Variants in ENAH observed in about 807,000 individuals in gnomAD.
ENAH encodes protein enabled homolog.
In ENAH, 23 loss-of-function variants were observed where a neutral mutation model predicts 78.7. The observed-to-expected ratio is 0.29, with a 90% CI of 0.21 to 0.41. The LOEUF (loss-of-function observed/expected upper bound fraction) is 0.41. Ranked by LOEUF, ENAH falls within the 10% of genes least tolerant of loss-of-function variation. The pLI, the probability that ENAH is intolerant of heterozygous loss-of-function variation, is 1.00. For missense variants in ENAH, 544 were observed against 691.0 expected, an observed-to-expected ratio of 0.79 and a Z score of 2.39; for synonymous variants, 226 against 241.0, an observed-to-expected ratio of 0.94 and a Z score of 0.58.
intron 5 of ENAH, 137 bp from the exon 6 acceptor site, chr1:225,517,443 T>C: frequency 6.4e-6 from 10 of 1,551,622 alleles, no homozygotes; most frequent in Non-Finnish European, 8.7e-6. Context: ...GCGGAGGAGC[T>C]GCTGGCCCTG....
intron 5 of ENAH, chr1:225,517,973 A>T (rs1186489551): frequency 3.2e-6 from 5 of 1,542,972 alleles, no homozygotes; most frequent in Non-Finnish European, 4.4e-6. Flanking sequence ...TTATACAGGG[A>T]GCTGTCTGAA....
At chr1:225,527,200 C>T (rs1489212136) in intron 4 of ENAH, among the ~76,000 whole-genome samples, 1 of 152,120 alleles carries the variant, frequency 6.6e-6, no homozygotes, top group Non-Finnish European at 1.5e-5. Context: ...TTTCACTACA[C>T]GTTCCAGTAA....
chr1:225,622,374 G>C (rs757883398), intron 1 of ENAH, among the ~76,000 whole-genome samples: 1 of 152,146 alleles, frequency 6.6e-6, no homozygotes, highest in Non-Finnish European at 1.5e-5. Flanking sequence ...GATCCTTTGA[G>C]CGCAGGAGTT....
At chr1:225,647,203 G>A (rs1349752029) in intron 1 of ENAH, among the ~76,000 whole-genome samples, 4 of 152,052 alleles carry the variant, frequency 2.6e-5, no homozygotes, top group African/African-American at 7.3e-5. Flanking sequence ...TCCAGCCTGG[G>A]CAAGAGTGAG....
At chr1:225,550,718 G>T (rs1042769213) in intron 3 of ENAH, among the ~76,000 whole-genome samples, 8 of 152,106 alleles carry the variant, frequency 5.3e-5, no homozygotes, top group Non-Finnish European at 2.9e-5. Flanking sequence ...TATGACTTTT[G>T]ACCATGTTCT....
chr1:225,524,002 CTAGGCATATA>C (rs1250257009), intron 4 of ENAH, among the ~76,000 whole-genome samples: 1 of 152,126 alleles, frequency 6.6e-6, no homozygotes, highest in African/African-American at 2.4e-5. Context: ...TTCTTTTAAG[CTAGGCATATA>C]TATTCTACAA....
Position 225,565,741 on chromosome 1 carries a change from C to T in ENAH, c.171+1508G>A, listed in dbSNP as rs12069030. Among the ~76,000 whole-genome samples the T allele has an allele frequency of 7.4e-4, 113 of 152,158 alleles. 2 individuals are homozygous for T. In the East Asian group the frequency reaches 0.016, roughly 22 times the overall value. Reference sequence around the variant, plus strand: ...AAAGATGAGACAGTGCTCCCCAGAACCTGGACTACAAATGGGACAAAGGGG... The same window carrying T: ...AAAGATGAGACAGTGCTCCCCAGAATCTGGACTACAAATGGGACAAAGGGG... On this transcript the variant is annotated intron_variant, in intron 2 of 13. Coordinates refer to ENST00000366843, the MANE Select transcript of ENAH (RefSeq NM_018212.6).
intron 1 of ENAH, among the ~76,000 whole-genome samples, chr1:225,589,022 A>C (rs758526967): frequency 2.0e-5 from 3 of 152,192 alleles, no homozygotes; most frequent in Non-Finnish European, 4.4e-5. Context: ...TGACATGATA[A>C]ATTGCAAAAA....
Position 225,514,878 on chromosome 1 carries a change from T to C in ENAH, c.936A>G (p.Ala312=), listed in dbSNP as rs911580899. ...SQQGIVLGPL[A]PPPPPPLPPG... ...GTGGGAGTGGTGGAGGAGGTGGAGG[T>C]GCAAGTGGTCCCAAGACAATGCCTG... Residue 312 remains alanine, a synonymous_variant, in exon 7 of 14, where the codon GCA becomes GCG. Transcript: ENST00000366843. The C allele has an allele frequency of 1.9e-6, 3 of 1,609,492 alleles. No homozygotes were observed. The highest frequency in any genetic ancestry group is 2.5e-6 in the Non-Finnish European group (3 of 1,178,862).
At chr1:225,555,318 C>A (rs892267239) in intron 2 of ENAH, among the ~76,000 whole-genome samples, 22 of 152,170 alleles carry the variant, frequency 1.4e-4, no homozygotes, top group African/African-American at 5.3e-4. Context: ...CGGTGGCTCA[C>A]GCCTGTAATC....
chr1:225,603,490 C>A (rs2148031110), intron 1 of ENAH, among the ~76,000 whole-genome samples: 1 of 152,180 alleles, frequency 6.6e-6, no homozygotes, highest in African/African-American at 2.4e-5. Flanking sequence ...AGTGTACCTG[C>A]AAATATAACC....
At chr1:225,604,390 G>T (rs1164709620) in intron 1 of ENAH, among the ~76,000 whole-genome samples, 1 of 151,858 alleles carries the variant, frequency 6.6e-6, no homozygotes. Context: ...TATAAATGGG[G>T]GTAAATAAAT....
intron 1 of ENAH, among the ~76,000 whole-genome samples, chr1:225,574,096 A>G (rs2096776309): frequency 6.6e-6 from 1 of 152,190 alleles, no homozygotes; most frequent in Non-Finnish European, 1.5e-5. Context: ...AAATAACACT[A>G]AAAACTTTGG....
In ENAH at chr1:225,494,976, G is replaced by A. The variant is rs2096242550; in HGVS notation, c.*2799C>T. ...GCATGAGAATTCAACATTCATTAGT[G>A]TTTCATCTTCAGTTTTGATTGACAC... is the stretch of plus-strand genomic sequence containing the variant. On this transcript the variant is annotated 3_prime_UTR_variant, in exon 14 of 14. Coordinates refer to ENST00000366843, the MANE Select transcript of ENAH (RefSeq NM_018212.6). 6.6e-6 allele frequency: 1 copy of A among 152,576 alleles called. No homozygotes were observed. The highest frequency in any genetic ancestry group is 2.4e-5 in the African/African-American group (1 of 41,436). The allele number at this position is 152,576 out of a possible 1,614,324, so 9.5% of individuals were successfully genotyped here.
intron 1 of ENAH, among the ~76,000 whole-genome samples, chr1:225,589,546 A>G (rs2096865337): frequency 6.6e-6 from 1 of 152,212 alleles, no homozygotes; most frequent in Non-Finnish European, 1.5e-5. Context: ...CATATAACCT[A>G]TACACATCCT....
chr1:225,558,429 A>G (rs2096679606), intron 2 of ENAH, among the ~76,000 whole-genome samples: 1 of 152,096 alleles, frequency 6.6e-6, no homozygotes, highest in Non-Finnish European at 1.5e-5. Flanking sequence ...TTCTACATCT[A>G]CATTTTCAAA....
At chr1:225,507,786 GT>G (rs2096345233) in intron 11 of ENAH, among the ~76,000 whole-genome samples, 164 bp downstream of exon 11, 1 of 152,106 alleles carries the variant, frequency 6.6e-6, no homozygotes, top group African/African-American at 2.4e-5. Context: ...ATGTAGATGA[GT>G]AATATATAAT....
chr1:225,596,804 A>C (rs2096903925), intron 1 of ENAH, among the ~76,000 whole-genome samples: 1 of 152,256 alleles, frequency 6.6e-6, no homozygotes. Context: ...TGGGCAGTGA[A>C]GGGTTAAAAA....
chr1:225,510,089 T>G (rs1056707321), intron 10 of ENAH, among the ~76,000 whole-genome samples: 1 of 152,226 alleles, frequency 6.6e-6, no homozygotes, highest in Non-Finnish European at 1.5e-5. Flanking sequence ...TGAGTTTTTT[T>G]GGGCTTAGGA....
Sources: allele counts gnomAD v4.1 joint callset (sites outside exome capture counted in the v4.1 genomes callset), GRCh38; gene constraint gnomAD v4.1.1; transcripts MANE v1.5; gene names NCBI Gene and HGNC (gene_info 2026-07-23, HGNC 2026-07-21).